The following MPP7 variants were observed in gnomAD, a reference collection of about 807,000 sequenced individuals.
MPP7 encodes the protein MAGUK p55 subfamily member 7.
MPP7 carries 60 observed loss-of-function variants against 76.5 expected under a neutral mutation model. The observed-to-expected ratio is 0.78, with a 90% CI of 0.64 to 0.97. The LOEUF (loss-of-function observed/expected upper bound fraction) is 0.97, where lower values mean the gene tolerates loss of function less well. Ranked by LOEUF, MPP7 falls within the 50% of genes least tolerant of loss-of-function variation. The probability of loss-of-function intolerance (pLI) is 0.00; values close to 1 mark genes in which losing one functional copy is unlikely to be tolerated. For missense variants in MPP7, 641 were observed against 694.0 expected (o/e 0.92, Z 0.86); for synonymous variants, 237 against 244.5 (o/e 0.97, Z 0.29).
intron 1 of MPP7, among the ~76,000 whole-genome samples, chr10:28,248,497 TC>T (rs1398598144): frequency 6.6e-6 from 1 of 152,166 alleles, no homozygotes; most frequent in Non-Finnish European, 1.5e-5. Context: ...TTCCTTGGCC[TC>T]CCTTTCTAAA....
chr10:28,273,409 T>C (rs997734301), intron 1 of MPP7, among the ~76,000 whole-genome samples: 1 of 152,184 alleles, frequency 6.6e-6, no homozygotes, highest in Non-Finnish European at 1.5e-5. Flanking sequence ...ATTAAAGGCA[T>C]TCAGATCAAG....
At chr10:28,178,119 T>C (rs1481439709) in intron 3 of MPP7, among the ~76,000 whole-genome samples, 1 of 152,040 alleles carries the variant, frequency 6.6e-6, no homozygotes, top group Non-Finnish European at 1.5e-5. Context: ...GGCTGAATAG[T>C]TCTTTGTTGT....
At chr10:28,127,151 C>G (rs901976384) in intron 6 of MPP7, among the ~76,000 whole-genome samples, 2 of 152,188 alleles carry the variant, frequency 1.3e-5, no homozygotes, top group Non-Finnish European at 2.9e-5. Flanking sequence ...ATGGACTGTA[C>G]AGTTTTTCAG....
chr10:28,200,058 T>A (rs1837719976), intron 3 of MPP7, among the ~76,000 whole-genome samples: 2 of 152,224 alleles, frequency 1.3e-5, no homozygotes, highest in Non-Finnish European at 2.9e-5. Context: ...AATCTTTTCA[T>A]ACAAATTCCT....
rs149676697 is a variant in MPP7 at position 28,172,689 on chromosome 10, C to G, written c.157-22630G>C. Among the ~76,000 whole-genome samples, 624 of 152,252 alleles carry G rather than the reference C, an allele frequency of 4.1e-3. 4 individuals carry two copies. The highest frequency in any genetic ancestry group is 0.014 in the African/African-American group (602 of 41,544). Reference sequence around the variant, plus strand: ...ACTTTCTGAGCTATAGAAATTACACCGAGCTATAGAAATTACACCAATTAC... The same window carrying G: ...ACTTTCTGAGCTATAGAAATTACACGGAGCTATAGAAATTACACCAATTAC... On this transcript the variant is annotated intron_variant, in intron 3 of 16. Coordinates refer to ENST00000683449, the MANE Select transcript of MPP7 (RefSeq NM_001318170.2).
At chr10:28,228,641 G>A (rs1448090121) in intron 2 of MPP7, among the ~76,000 whole-genome samples, 1 of 152,028 alleles carries the variant, frequency 6.6e-6, no homozygotes, top group Admixed American at 6.6e-5. Context: ...TGGCACATCT[G>A]TAATCCCAGC....
chr10:28,280,441 C>G (rs1311600661), intron 1 of MPP7, among the ~76,000 whole-genome samples: 1 of 151,954 alleles, frequency 6.6e-6, no homozygotes, highest in Non-Finnish European at 1.5e-5. Flanking sequence ...AGAAAAAAAG[C>G]CTGGACATAT....
At chr10:28,199,879 AAC>A (rs3064104) in intron 3 of MPP7, among the ~76,000 whole-genome samples, 50,168 of 148,590 alleles carry the variant, frequency 0.34, 10,609 homozygotes, top group East Asian at 0.9. Context: ...AGCCCATTTA[AAC>A]ACACACACAC....
chr10:28,102,006 T>C (rs1853848651), intron 11 of MPP7, among the ~76,000 whole-genome samples: 1 of 152,184 alleles, frequency 6.6e-6, no homozygotes, highest in Non-Finnish European at 1.5e-5. Context: ...CATATACATA[T>C]ATAAACATAT....
intron 2 of MPP7, among the ~76,000 whole-genome samples, chr10:28,326,669 T>G (rs1316390669): frequency 6.6e-6 from 1 of 152,164 alleles, no homozygotes; most frequent in Non-Finnish European, 1.5e-5. Flanking sequence ...GAAAATACAT[T>G]TTTCAAATTG....
chr10:28,263,337 A>C (rs1840049492), intron 1 of MPP7, among the ~76,000 whole-genome samples: 3 of 149,612 alleles, frequency 2.0e-5, no homozygotes. Context: ...ACAAGGTTTG[A>C]AGCTGTGTTT....
intron 3 of MPP7, among the ~76,000 whole-genome samples, chr10:28,182,784 A>C (rs1837099295): frequency 6.6e-6 from 1 of 152,224 alleles, no homozygotes; most frequent in African/African-American, 2.4e-5. Flanking sequence ...TGTTAAGCAA[A>C]AGAGCAAATT....
In MPP7 at chr10:28,179,277, C is replaced by G. The variant is rs148386523; in HGVS notation, c.156+22876G>C. Among the ~76,000 whole-genome samples the G allele has an allele frequency of 5.4e-3, 820 of 152,180 alleles. 27 individuals are homozygous for G. The highest frequency in any genetic ancestry group is 0.05 in the Admixed American group (766 of 15,282). On this transcript the variant is annotated intron_variant, in intron 3 of 16. Transcript: ENST00000683449. Reference sequence around the variant, plus strand: ...CTTCCCAGAATCTTGGAAAATACCCCCTTCTCTGCCCCTTATACACTCAAA... The same window carrying G: ...CTTCCCAGAATCTTGGAAAATACCCGCTTCTCTGCCCCTTATACACTCAAA...
intron 1 of MPP7, among the ~76,000 whole-genome samples, chr10:28,262,265 A>ATG (rs1840010336): frequency 3.8e-5 from 2 of 52,040 alleles, no homozygotes; most frequent in African/African-American, 1.9e-4. Context: ...ATATGTATAT[A>ATG]TATATATATA....
intron 12 of MPP7, among the ~76,000 whole-genome samples, chr10:28,073,624 G>A (rs1006906889): frequency 6.6e-6 from 1 of 152,036 alleles, no homozygotes; most frequent in Non-Finnish European, 1.5e-5. Context: ...ACGAAAATTA[G>A]CTGGGCATGG....
At chr10:28,123,963 C>A in intron 8 of MPP7, 68 bp downstream of exon 8, 1 of 1,084,244 alleles carries the variant, frequency 9.2e-7, no homozygotes, top group South Asian at 1.3e-5. Flanking sequence ...CAAACCAAGT[C>A]TAAAAGTCTG....
intron 13 of MPP7, among the ~76,000 whole-genome samples, chr10:28,060,264 C>T (rs7078263): frequency 0.31 from 47,720 of 151,982 alleles, 8,685 homozygotes; most frequent in East Asian, 0.65. Context: ...TTTGCAAAGT[C>T]ATAAATAGCA....
At chr10:28,316,243 C>T (rs1834319466) in intron 2 of MPP7, among the ~76,000 whole-genome samples, 1 of 151,696 alleles carries the variant, frequency 6.6e-6, no homozygotes, top group Admixed American at 6.6e-5. Context: ...TCGAGACCAG[C>T]CTGGCCAACG....
At chr10:28,146,707 T>G (rs1835720944) in intron 5 of MPP7, among the ~76,000 whole-genome samples, 1 of 152,178 alleles carries the variant, frequency 6.6e-6, no homozygotes, top group Admixed American at 6.5e-5. Context: ...ACTCTACATA[T>G]GCTCACCAGT....
Sources: gnomAD v4.1 joint callset for allele counts (sites outside exome capture counted in the v4.1 genomes callset) on GRCh38, gnomAD v4.1.1 for gene constraint, MANE v1.5 for transcripts, NCBI Gene and HGNC (gene_info 2026-07-23, HGNC 2026-07-21) for gene names.